Variants in MC5R observed in about 807,000 individuals in gnomAD.
MC5R encodes the protein melanocortin 5 receptor, also known as melanocortin receptor 5.
For synonymous variants in MC5R, 167 were observed against 164.4 expected (o/e 1.02, Z -0.12); for missense variants, 420 against 431.4 (o/e 0.97, Z 0.23).
At chr18:13,824,786 G>T (rs74334445) in intron 1 of MC5R, among the ~76,000 whole-genome samples, 10,091 of 150,768 alleles carry the variant, frequency 0.067, 396 homozygotes, top group East Asian at 0.16. Context: ...CAACAAAGGA[G>T]TGTGGTACAT....
chr18:13,826,441 A>C lies in MC5R; in HGVS notation c.676A>C (p.Ser226Arg). 5 of 1,613,862 alleles carry C rather than the reference A, an allele frequency of 3.1e-6. No homozygotes were observed. Among genetic ancestry groups the C allele is most frequent in the Non-Finnish European group, 3.4e-6 (4 of 1,179,806 alleles). Residue 226 changes from serine (S) to arginine (R), a missense_variant, in exon 2 of 2, where the codon AGC becomes CGC. Coordinates refer to ENST00000589410, the MANE Select transcript of MC5R (RefSeq NM_005913.3). ...GCGGATCGCGGCTCTGCCCGGGGCC[A>C]GCTCTGCGCGGCAGAGGACCAGCAT... ...VKRIAALPGA[S>R]SARQRTSMQG... is the part of the protein sequence containing the mutation.
chr18:13,825,557 T>A (rs1406235544), intron 1 of MC5R, 170 bp from the exon 2 acceptor site: 24 of 438,510 alleles, frequency 5.5e-5, no homozygotes, highest in African/African-American at 4.7e-4. Context: ...AGGGAGACCC[T>A]GTCTCTTAAA....
At chr18:13,825,229 T>A (rs1217841385) in intron 1 of MC5R, among the ~76,000 whole-genome samples, 1 of 152,052 alleles carries the variant, frequency 6.6e-6, no homozygotes, top group African/African-American at 2.4e-5. Flanking sequence ...AGGTTATGAG[T>A]TGGGGACACT....
chr18:13,826,392 C>G lies in MC5R; in HGVS notation c.627C>G (p.Phe209Leu), dbSNP rs2236700. 0.19 allele frequency: 312,896 copies of G among 1,613,898 alleles called. 32,421 individuals carry two copies. The highest frequency in any genetic ancestry group is 0.38 in the East Asian group (17,167 of 44,840). The change falls in exon 2 of 2, where the codon TTC (phenylalanine) becomes TTG (leucine). Residue 209 changes from phenylalanine (F) to leucine (L), a missense_variant. Phe to Leu is a conservative substitution (Grantham distance 22). Coordinates refer to ENST00000589410, the MANE Select transcript of MC5R (RefSeq NM_005913.3). ...FLLVSLYIHM[F>L]LLARTHVKRI... Reference sequence around the variant, plus strand: ...TGGTGTCTCTGTACATACACATGTTCCTCCTGGCGCGGACTCACGTCAAGC... The same window carrying G: ...TGGTGTCTCTGTACATACACATGTTGCTCCTGGCGCGGACTCACGTCAAGC...
chr18:13,824,370 C>T (rs1225013181), intron 1 of MC5R, 96 bp downstream of exon 1: 1 of 152,254 alleles, frequency 6.6e-6, no homozygotes, highest in African/African-American at 2.4e-5. Flanking sequence ...CGGCAGCTAG[C>T]TTGCCCCGTG....
chr18:13,826,946 T>G lies in MC5R; in HGVS notation c.*203T>G. The G allele has an allele frequency of 1.7e-6, 1 of 572,642 alleles. No homozygotes were observed. 35.5% of individuals were successfully genotyped at this position (572,642 alleles called of 1,614,324 possible). On this transcript the variant is annotated 3_prime_UTR_variant, in exon 2 of 2. Coordinates refer to ENST00000589410, the MANE Select transcript of MC5R (RefSeq NM_005913.3). ...TGCTTATCCACTCTGGGGACAGTCA[T>G]GACAATTTCTTACTGTCCTTTTGTG... is the stretch of plus-strand genomic sequence containing the variant.
rs752531474 is a variant in MC5R at position 13,826,245 on chromosome 18, G to A, written c.480G>A (p.Gly160=). 1 of 1,614,102 alleles carries A rather than the reference G, an allele frequency of 6.2e-7. No homozygotes were observed. The highest frequency in any genetic ancestry group is 8.5e-7 in the Non-Finnish European group (1 of 1,180,032). Residue 160 remains glycine, a synonymous_variant, in exon 2 of 2, where the codon GGG becomes GGA. Transcript: ENST00000589410. ...ACATCATGACGGCGAGGCGCTCAGG[G>A]GCCATCATCGCCGGCATCTGGGCTT... ...YHHIMTARRS[G]AIIAGIWAFC...
chr18:13,825,792 C>T lies in MC5R; in HGVS notation c.27C>T (p.Phe9=). MNSSFHLH[F]LDLNLNATEG... ...TGAATTCCTCATTTCACCTGCATTT[C>T]TTGGATCTCAACCTGAATGCCACAG... Residue 9 remains phenylalanine, a synonymous_variant, in exon 2 of 2, where the codon TTC becomes TTT. Transcript: ENST00000589410. The T allele has an allele frequency of 1.3e-6, 2 of 1,581,514 alleles. No individual in the cohort carries two copies. The highest frequency in any genetic ancestry group is 1.7e-6 in the Non-Finnish European group (2 of 1,166,784).
chr18:13,825,956 AC>A lies in MC5R; in HGVS notation c.192del (p.Asn64LysfsTer22), dbSNP rs759229008. On this transcript the variant is annotated frameshift_variant, in exon 2 of 2. Coordinates refer to ENST00000589410, the MANE Select transcript of MC5R (RefSeq NM_005913.3). LOFTEE classifies it low-confidence loss of function (END_TRUNC). ...NILVIGAIVK[N>X]KNLHSPMYFF... ...TTGGTCATAGGGGCCATAGTGAAGA[AC>A]AAAAACCTGCACTCCCCCATGTACT... The A allele has an allele frequency of 6.2e-7, 1 of 1,614,140 alleles. No homozygotes were observed. The highest frequency in any genetic ancestry group is 8.5e-7 in the Non-Finnish European group (1 of 1,180,020).
intron 1 of MC5R, among the ~76,000 whole-genome samples, chr18:13,824,636 T>A (rs951818878): frequency 1.3e-5 from 2 of 152,166 alleles, no homozygotes; most frequent in African/African-American, 4.8e-5. Flanking sequence ...AAGTAATTTG[T>A]TGTCCCTCAC....
At chr18:13,825,692 C>A (rs533485066) in intron 1 of MC5R, 35 bp from the exon 2 acceptor site, 1 of 1,368,092 alleles carries the variant, frequency 7.3e-7, no homozygotes, top group African/African-American at 1.5e-5. Context: ...GGCTGCTAAC[C>A]TCTTTGGATT....
chr18:13,825,783 C>A lies in MC5R; in HGVS notation c.18C>A (p.His6Gln). The change falls in exon 2 of 2, where the codon CAC becomes CAA. Residue 6 changes from histidine to glutamine, a missense_variant. Physicochemically the swap from His to Gln is conservative, Grantham distance 24 (BLOSUM62 0). Coordinates refer to ENST00000589410, the MANE Select transcript of MC5R (RefSeq NM_005913.3). Reference protein sequence around the residue: MNSSFHLHFLDLNLNA... With the variant: MNSSFQLHFLDLNLNA... ...CTCCAGCAATGAATTCCTCATTTCA[C>A]CTGCATTTCTTGGATCTCAACCTGA... 1 of 1,576,954 alleles carries A rather than the reference C, an allele frequency of 6.3e-7. No individual in the cohort carries two copies. Among genetic ancestry groups the A allele is most frequent in the South Asian group, 1.2e-5 (1 of 84,780 alleles).
rs371612307 is a variant in MC5R, at chr18:13,826,249, A to G, written c.484A>G (p.Ile162Val). 3.7e-6 allele frequency: 6 copies of G among 1,614,006 alleles called. No individual in the cohort carries two copies. In the African/African-American group the frequency reaches 6.7e-5, roughly 18 times the overall value. The part of the protein sequence containing the change: ...HIMTARRSGA[I>V]IAGIWAFCTG... Reference sequence around the variant, plus strand: ...CATGACGGCGAGGCGCTCAGGGGCCATCATCGCCGGCATCTGGGCTTTCTG... The same window carrying G: ...CATGACGGCGAGGCGCTCAGGGGCCGTCATCGCCGGCATCTGGGCTTTCTG... Residue 162 changes from isoleucine (I) to valine (V), a missense_variant, in exon 2 of 2, where the codon ATC (isoleucine) becomes GTC (valine). By Grantham distance (29) the Ile-to-Val change is conservative (BLOSUM62 3). Transcript: ENST00000589410.
chr18:13,825,549 G>A (rs1439199319), intron 1 of MC5R, 178 bp from the exon 2 acceptor site: 1 of 450,676 alleles, frequency 2.2e-6, no homozygotes, highest in Non-Finnish European at 3.8e-6. Context: ...GGCAACATAG[G>A]GAGACCCTGT....
At chr18:13,824,564 A>G (rs117116954) in intron 1 of MC5R, among the ~76,000 whole-genome samples, 3,413 of 152,248 alleles carry the variant, frequency 0.022, 52 homozygotes, top group Middle Eastern at 0.054. Context: ...GATGTATTGC[A>G]TAGTGGTGGA....
Position 13,826,068 on chromosome 18 carries a change from C to A in MC5R, c.303C>A (p.Asn101Lys). The A allele has an allele frequency of 6.2e-7, 1 of 1,614,164 alleles. No homozygotes were observed. The highest frequency in any genetic ancestry group is 1.1e-5 in the South Asian group (1 of 91,086). The change falls in exon 2 of 2, where the codon AAC (asparagine) becomes AAA (lysine). Residue 101 changes from asparagine (N) to lysine (K), a missense_variant. Coordinates refer to ENST00000589410, the MANE Select transcript of MC5R (RefSeq NM_005913.3). The stretch of plus-strand genomic sequence containing the variant: ...CCATCACCATCTACCTACTCAACAA[C>A]AAGCACCTAGTGATAGCAGACGCCT... Reference protein sequence around the residue: ...WETITIYLLNNKHLVIADAFV... With the variant: ...WETITIYLLNKKHLVIADAFV...
rs368497955 is a variant in MC5R at position 13,826,557 on chromosome 18, C to T, written c.792C>T (p.Cys264=). 13 of 1,614,002 alleles carry T rather than the reference C, an allele frequency of 8.1e-6. No individual in the cohort carries two copies. The African/African-American group carries it at 1.5e-4, about 18-fold the overall frequency. Residue 264 remains cysteine (C), a synonymous_variant, in exon 2 of 2, where the codon TGC becomes TGT. Transcript: ENST00000589410. ...FFLHLTLMLS[C]PQNLYCSRFM... ...TTCATCTCACTTTAATGCTTTCTTG[C>T]CCTCAGAACCTCTACTGCTCTCGCT...
At position 13,826,702 on chromosome 18, in the gene MC5R, C is replaced by T. The variant is rs770211411; in HGVS notation, c.937C>T (p.Arg313Cys). Reference protein sequence around the residue: ...RKTFKEIICCRGFRIACSFPR... With the variant: ...RKTFKEIICCCGFRIACSFPR... ...GACCTTTAAGGAGATTATTTGCTGCCGTGGTTTCAGGATCGCCTGCAGCTT... is the reference window on the plus strand; with the variant it reads ...GACCTTTAAGGAGATTATTTGCTGCTGTGGTTTCAGGATCGCCTGCAGCTT... Residue 313 changes from arginine (R) to cysteine (C), a missense_variant, in exon 2 of 2, where the codon CGT (arginine) becomes TGT (cysteine). Physicochemically the swap from Arg to Cys is radical, Grantham distance 180. Transcript: ENST00000589410. The T allele has an allele frequency of 5.0e-6, 8 of 1,613,112 alleles. No individual in the cohort carries two copies. The highest frequency in any genetic ancestry group is 2.2e-5 in the East Asian group (1 of 44,878).
In MC5R at chr18:13,825,969, C is replaced by T; in HGVS notation, c.204C>T (p.His68=). 1 of 1,614,160 alleles carries T rather than the reference C, an allele frequency of 6.2e-7. No homozygotes were observed. The highest frequency in any genetic ancestry group is 8.5e-7 in the Non-Finnish European group (1 of 1,180,018). The change falls in exon 2 of 2, where the codon CAC becomes CAT. Residue 68 remains histidine (H), a synonymous_variant. Transcript: ENST00000589410. ...IGAIVKNKNL[H]SPMYFFVCSL... Reference sequence around the variant, plus strand: ...CCATAGTGAAGAACAAAAACCTGCACTCCCCCATGTACTTCTTCGTGTGCA... The same window carrying T: ...CCATAGTGAAGAACAAAAACCTGCATTCCCCCATGTACTTCTTCGTGTGCA...
Sources: allele counts gnomAD v4.1 joint callset (sites outside exome capture counted in the v4.1 genomes callset), GRCh38; gene constraint gnomAD v4.1.1; transcripts MANE v1.5; gene names NCBI Gene and HGNC (gene_info 2026-07-23, HGNC 2026-07-21).